Variants in ATR observed in about 807,000 individuals in gnomAD.
The protein encoded by ATR is serine/threonine-protein kinase ATR.
A neutral mutation model predicts 305.3 loss-of-function variants in ATR; 142 were observed. The ratio of observed to expected loss-of-function variants is 0.47; its 90% CI spans 0.41 to 0.53. ATR has a LOEUF of 0.53. Among genes scored for constraint, ATR ranks in the 20% least tolerant of loss-of-function variants. The pLI is 0.00. For synonymous variants in ATR, 1,050 were observed against 1,068.1 expected, an observed-to-expected ratio of 0.98 and a Z score of 0.33; for missense variants, 2,135 against 3,133.1, an observed-to-expected ratio of 0.68 and a Z score of 7.60.
chr3:142,470,113 C>T lies in ATR; in HGVS notation c.6292G>A (p.Gly2098Ser), dbSNP rs1207198105. Residue 2098 changes from glycine to serine, a missense_variant, in exon 37 of 47, where the codon GGT becomes AGT. Transcript: ENST00000350721. ...TTTTCCCATTCATATGCCTTTGTAC[C>T]ATAATCAAGCCATAGAGTTAACATT... ...PRMLTLWLDY[G>S]TKAYEWEKAG... 6.2e-7 allele frequency: 1 copy of T among 1,610,366 alleles called. No homozygotes were observed. The highest frequency in any genetic ancestry group is 1.3e-5 in the African/African-American group (1 of 74,892).
intron 35 of ATR, 133 bp downstream of exon 35, chr3:142,492,999 C>T: frequency 1.3e-6 from 1 of 787,110 alleles, no homozygotes; most frequent in Non-Finnish European, 2.0e-6. Context: ...TGTGATAATC[C>T]ATATACTTAT....
intron 19 of ATR, 130 bp downstream of exon 19, chr3:142,538,352 A>T: frequency 1.0e-6 from 1 of 971,836 alleles, no homozygotes; most frequent in Non-Finnish European, 1.5e-6. Context: ...TTACATGCCA[A>T]TTACTTTTGT....
At chr3:142,539,916 T>A (rs1449049111) in intron 18 of ATR, among the ~76,000 whole-genome samples, 2 of 152,128 alleles carry the variant, frequency 1.3e-5, no homozygotes, top group African/African-American at 2.4e-5. Context: ...GATGAAAGAT[T>A]AGTGGGGAAT....
At chr3:142,475,608 T>C (rs1167141748) in intron 36 of ATR, among the ~76,000 whole-genome samples, 3 of 152,236 alleles carry the variant, frequency 2.0e-5, no homozygotes. Flanking sequence ...TTTGGGTATA[T>C]ACCCAGTAAT....
rs561069845 is a variant in ATR at position 142,450,111 on chromosome 3, C to T, written c.7762-509G>A. 18 of 295,804 alleles carry T rather than the reference C, an allele frequency of 6.1e-5. No homozygotes were observed. In the East Asian group the frequency reaches 1.1e-3, roughly 18 times the overall value. 18.3% of individuals were successfully genotyped at this position (295,804 alleles called of 1,614,324 possible). A position where few individuals can be genotyped will look rare whatever the true frequency, so the allele number is the denominator to read the frequency against. ...TGGTGCTGGGTGGGCTGGTGGGCTGCGCTGCAGCCCACGAGCACAAAGAGG... is the reference window on the plus strand; with the variant it reads ...TGGTGCTGGGTGGGCTGGTGGGCTGTGCTGCAGCCCACGAGCACAAAGAGG... On this transcript the variant is annotated intron_variant, in intron 46 of 46. Coordinates refer to ENST00000350721, the MANE Select transcript of ATR (RefSeq NM_001184.4).
At chr3:142,570,460 C>T (rs1210179218) in intron 1 of ATR, among the ~76,000 whole-genome samples, 1 of 152,180 alleles carries the variant, frequency 6.6e-6, no homozygotes, top group African/African-American at 2.4e-5. Flanking sequence ...GATCTCAGCT[C>T]ACCGCAACCT....
intron 15 of ATR, among the ~76,000 whole-genome samples, chr3:142,548,903 T>C (rs1169125264): frequency 6.6e-6 from 1 of 152,198 alleles, no homozygotes; most frequent in Non-Finnish European, 1.5e-5. Context: ...GCTGCTGGCA[T>C]ATATTATGAA....
intron 30 of ATR, among the ~76,000 whole-genome samples, chr3:142,502,156 G>A (rs749475367): frequency 3.9e-5 from 6 of 152,212 alleles, no homozygotes; most frequent in Non-Finnish European, 7.3e-5. Flanking sequence ...CACTGTGGAA[G>A]GCGGTTTAGA....
chr3:142,480,467 C>T (rs1049863101), intron 36 of ATR, among the ~76,000 whole-genome samples: 1 of 152,150 alleles, frequency 6.6e-6, no homozygotes, highest in African/African-American at 2.4e-5. Context: ...CAAAGGGGTA[C>T]CCGGCCGTGT....
intron 32 of ATR, among the ~76,000 whole-genome samples, chr3:142,498,183 A>T (rs2031754182): frequency 1.3e-5 from 2 of 152,214 alleles, no homozygotes; most frequent in South Asian, 2.1e-4. Context: ...TTCACCTATA[A>T]AAGTTAATAT....
chr3:142,475,974 T>A (rs1241020962), intron 36 of ATR, among the ~76,000 whole-genome samples: 7 of 152,176 alleles, frequency 4.6e-5, no homozygotes, highest in Non-Finnish European at 7.4e-5. Flanking sequence ...GTTTGAGTTC[T>A]TTGTAGATTC....
At chr3:142,454,198 A>G (rs1025356597) in intron 45 of ATR, among the ~76,000 whole-genome samples, 1 of 152,150 alleles carries the variant, frequency 6.6e-6, no homozygotes, top group Non-Finnish European at 1.5e-5. Flanking sequence ...CAGGCAGGCC[A>G]TGACTTCACT....
Position 142,452,753 on chromosome 3 carries a change from G to A in ATR, c.7761+375C>T, listed in dbSNP as rs11717703. The A allele has an allele frequency of 0.012, 13,325 of 1,075,544 alleles. 101 individuals carry two copies. Among genetic ancestry groups the A allele is most frequent in the Non-Finnish European group, 0.014 (12,224 of 882,938 alleles). The allele number at this position is 1,075,544 out of a possible 1,614,324, so 66.6% of individuals were successfully genotyped here. A position where few individuals can be genotyped will look rare whatever the true frequency, so the allele number is the denominator to read the frequency against. On this transcript the variant is annotated intron_variant, in intron 46 of 46. Coordinates refer to ENST00000350721, the MANE Select transcript of ATR (RefSeq NM_001184.4). ...CTTTGCAGCTTCAACTAAGTAAGAA[G>A]TGAATTGCTGCATTTGTTAACATAG...
intron 7 of ATR, 30 bp downstream of exon 7, chr3:142,559,221 T>G (rs1337492996): frequency 1.3e-6 from 2 of 1,593,848 alleles, no homozygotes; most frequent in Non-Finnish European, 1.7e-6. Flanking sequence ...CTTTAAAGGT[T>G]ATTCTGATCT....
Position 142,559,248 on chromosome 3 carries a change from C to T in ATR, c.1732+3G>A, listed in dbSNP as rs2108479271. 6.2e-7 allele frequency: 1 copy of T among 1,612,246 alleles called. No homozygotes were observed. The highest frequency in any genetic ancestry group is 1.7e-4 in the Middle Eastern group (1 of 5,778). On this transcript the variant is annotated splice_donor_region_variant and intron_variant, in intron 7 of 46. Transcript: ENST00000350721. The stretch of plus-strand genomic sequence containing the variant: ...TTCTGATCTGTTGCTAATTTGTACT[C>T]ACCTTGCATATAAATCAAAGCATCA...
At chr3:142,464,128 T>C (rs1328744542) in intron 41 of ATR, among the ~76,000 whole-genome samples, 3 of 152,178 alleles carry the variant, frequency 2.0e-5, no homozygotes, top group Non-Finnish European at 4.4e-5. Context: ...TATTTATCTA[T>C]TTATTTATTT....
intron 35 of ATR, among the ~76,000 whole-genome samples, chr3:142,487,444 T>C (rs2031013294): frequency 6.6e-6 from 1 of 152,204 alleles, no homozygotes; most frequent in South Asian, 2.1e-4. Flanking sequence ...GCCCTACGTG[T>C]ATTATATTTT....
At chr3:142,505,879 A>G (rs1317694476) in intron 28 of ATR, among the ~76,000 whole-genome samples, 1 of 152,212 alleles carries the variant, frequency 6.6e-6, no homozygotes, top group African/African-American at 2.4e-5. Context: ...TTTATCAAGA[A>G]GGAAGAGCTG....
Position 142,535,163 on chromosome 3 carries a change from A to G in ATR, c.3862T>C (p.Ser1288Pro), listed in dbSNP as rs2033808211. The change falls in exon 21 of 47, where the codon TCT becomes CCT. Residue 1288 changes from serine (S) to proline (P), a missense_variant. Ser to Pro is a moderately conservative substitution (Grantham distance 74). Coordinates refer to ENST00000350721, the MANE Select transcript of ATR (RefSeq NM_001184.4). ...TTTTCATGTTGAATGGCCTTCATAG[A>G]GAGCTGAAGAGTTGTCTGAAGATCA... ...STDLQTTLQL[S>P]MKAIQHENVD... The G allele has an allele frequency of 3.1e-6, 5 of 1,613,252 alleles. No homozygotes were observed. The highest frequency in any genetic ancestry group is 4.2e-6 in the Non-Finnish European group (5 of 1,179,432).
Sources: gnomAD v4.1 joint callset for allele counts (sites outside exome capture counted in the v4.1 genomes callset) on GRCh38, gnomAD v4.1.1 for gene constraint, MANE v1.5 for transcripts, NCBI Gene and HGNC (gene_info 2026-07-23, HGNC 2026-07-21) for gene names.